SLCO2A1: variants seen among roughly 807,000 people sequenced by gnomAD.
SLCO2A1 encodes the protein solute carrier organic anion transporter family member 2A1.
SLCO2A1 carries 60 observed loss-of-function variants against 71.7 expected under a neutral mutation model. The ratio of observed to expected loss-of-function variants is 0.84; its 90% confidence interval spans 0.68 to 1.04. SLCO2A1 has a LOEUF of 1.04. Ranked by LOEUF, SLCO2A1 falls within the 50% of genes least tolerant of loss-of-function variation. SLCO2A1 has a pLI of 0.00. For synonymous variants in SLCO2A1, 308 were observed against 326.7 expected, an observed-to-expected ratio of 0.94 and a Z score of 0.62; for missense variants, 745 against 813.4, an observed-to-expected ratio of 0.92 and a Z score of 1.02.
chr3:134,007,876 T>C lies in SLCO2A1; in HGVS notation c.96+21831A>G, dbSNP rs547858361. On this transcript the variant is annotated intron_variant, in intron 1 of 13. Transcript: ENST00000310926. ...ATTGTTCCTGTGTTCAATTCATTCT[T>C]CATTTCTTTCACCTAAAGATTTCAC... Among the ~76,000 whole-genome samples, 33 of 152,364 alleles carry C rather than the reference T, an allele frequency of 2.2e-4. No homozygotes were observed. The South Asian group carries it at 4.3e-3, about 20-fold the overall frequency.
At chr3:134,028,139 A>G (rs1460930140) in intron 1 of SLCO2A1, among the ~76,000 whole-genome samples, 2 of 152,164 alleles carry the variant, frequency 1.3e-5, no homozygotes, top group African/African-American at 4.8e-5. Flanking sequence ...GTCTAAACGG[A>G]TCAGTCTCAT....
In SLCO2A1 at chr3:133,955,217, C is replaced by A. The variant is rs745350876; in HGVS notation, c.398-24G>T. On this transcript the variant is annotated intron_variant, in intron 3 of 13. Transcript: ENST00000310926. ...CCCTGCAACGAGAGTGCTTGCTGGTCTCCACCACCCTGGTCTCCTGGTTCC... is the reference window on the plus strand; with the variant it reads ...CCCTGCAACGAGAGTGCTTGCTGGTATCCACCACCCTGGTCTCCTGGTTCC... 1.0e-5 allele frequency: 16 copies of A among 1,590,542 alleles called. No homozygotes were observed. In the South Asian group the frequency reaches 1.8e-4, roughly 18 times the overall value.
intron 1 of SLCO2A1, among the ~76,000 whole-genome samples, chr3:134,000,694 A>G (rs1252914040): frequency 6.6e-6 from 1 of 152,210 alleles, no homozygotes; most frequent in African/African-American, 2.4e-5. Context: ...CATGGAATCA[A>G]TCCAAGACCA....
At chr3:133,935,703 T>C in intron 13 of SLCO2A1, 71 bp downstream of exon 13, 1 of 1,431,774 alleles carries the variant, frequency 7.0e-7, no homozygotes, top group Non-Finnish European at 9.3e-7. Context: ...CAGTAGCCAC[T>C]GGGCATATGA....
At chr3:133,980,761 C>T (rs1369441801) in intron 1 of SLCO2A1, among the ~76,000 whole-genome samples, 38 of 152,254 alleles carry the variant, frequency 2.5e-4, no homozygotes, top group Admixed American at 2.4e-3. Flanking sequence ...CAGGGCAGAA[C>T]CTTTGCGAGG....
At chr3:134,002,538 G>A (rs145813300) in intron 1 of SLCO2A1, among the ~76,000 whole-genome samples, 23 of 152,298 alleles carry the variant, frequency 1.5e-4, no homozygotes, top group East Asian at 5.8e-4. Context: ...TATCACAGCC[G>A]CCTCAGTGAG....
chr3:133,965,044 T>C (rs1291968789), intron 3 of SLCO2A1, among the ~76,000 whole-genome samples: 1 of 152,142 alleles, frequency 6.6e-6, no homozygotes, highest in East Asian at 1.9e-4. Context: ...GCTTAATTAG[T>C]ACTCCCCCAC....
intron 1 of SLCO2A1, among the ~76,000 whole-genome samples, chr3:134,010,524 T>C (rs1228695701): frequency 6.6e-6 from 1 of 151,728 alleles, no homozygotes; most frequent in African/African-American, 2.4e-5. Context: ...GAGGCCAAGG[T>C]GGGCGGATCA....
chr3:133,960,622 GGAT>G, intron 3 of SLCO2A1, among the ~76,000 whole-genome samples: 1 of 152,160 alleles, frequency 6.6e-6, no homozygotes, highest in Non-Finnish European at 1.5e-5. Flanking sequence ...TTCCAGGTGT[GGAT>G]GATGATGATG....
chr3:133,958,988 T>C (rs1933966350), intron 3 of SLCO2A1, among the ~76,000 whole-genome samples: 1 of 152,180 alleles, frequency 6.6e-6, no homozygotes, highest in African/African-American at 2.4e-5. Flanking sequence ...GGAGCACGGT[T>C]TAAAGCAAAT....
Position 133,934,656 on chromosome 3 carries a change from C to G in SLCO2A1, c.*57G>C. 7 of 1,158,392 alleles carry G rather than the reference C, an allele frequency of 6.0e-6. No individual in the cohort carries two copies. In the South Asian group the frequency reaches 8.7e-5, roughly 14 times the overall value. 71.8% of individuals were successfully genotyped at this position (1,158,392 alleles called of 1,614,324 possible). On this transcript the variant is annotated 3_prime_UTR_variant, in exon 14 of 14. Transcript: ENST00000310926. ...ACGTGTTAACATTAGTGAGTATAGG[C>G]AGGTGTGGAAGAGTCAAGGTCCACT...
At chr3:134,005,642 C>T (rs548190988) in intron 1 of SLCO2A1, among the ~76,000 whole-genome samples, 7 of 151,940 alleles carry the variant, frequency 4.6e-5, no homozygotes, top group East Asian at 1.9e-4. Flanking sequence ...CCACCACGCC[C>T]GGCTAATTTT....
rs1366454450 is a variant in SLCO2A1 at position 133,933,270 on chromosome 3, G to A, written c.*1443C>T. The A allele has an allele frequency of 6.6e-6, 1 of 152,240 alleles. No homozygotes were observed. The highest frequency in any genetic ancestry group is 1.5e-5 in the Non-Finnish European group (1 of 68,132). 9.4% of individuals were successfully genotyped at this position (152,240 alleles called of 1,614,324 possible). The stretch of plus-strand genomic sequence containing the variant: ...TGGATGGCATGGATAGTCAGGTCAG[G>A]ATCCTTCATGCCAATCTGTGGCTTC... On this transcript the variant is annotated 3_prime_UTR_variant, in exon 14 of 14. Coordinates refer to ENST00000310926, the MANE Select transcript of SLCO2A1 (RefSeq NM_005630.3).
chr3:134,020,193 G>A (rs144934399), intron 1 of SLCO2A1, among the ~76,000 whole-genome samples: 1,647 of 152,160 alleles, frequency 0.011, 32 homozygotes, highest in African/African-American at 0.036. Flanking sequence ...TTAGAGTTGT[G>A]AGCCCTTAAA....
chr3:134,027,214 T>G (rs1156685019), intron 1 of SLCO2A1, among the ~76,000 whole-genome samples: 1 of 152,178 alleles, frequency 6.6e-6, no homozygotes, highest in Non-Finnish European at 1.5e-5. Context: ...TATTGTCTTA[T>G]GCCCAATTTC....
intron 1 of SLCO2A1, among the ~76,000 whole-genome samples, chr3:134,003,768 C>T (rs1422182107): frequency 1.3e-5 from 2 of 152,148 alleles, no homozygotes; most frequent in Admixed American, 1.3e-4. Flanking sequence ...ATTCAAATAC[C>T]AATCTGGGTG....
At chr3:133,970,714 T>A (rs987542678) in intron 3 of SLCO2A1, among the ~76,000 whole-genome samples, 3 of 152,170 alleles carry the variant, frequency 2.0e-5, no homozygotes, top group Non-Finnish European at 2.9e-5. Context: ...TCTGCTTCTA[T>A]CCCAGCCAGA....
At chr3:133,956,069 AG>A (rs2108046377) in intron 3 of SLCO2A1, among the ~76,000 whole-genome samples, 1 of 152,218 alleles carries the variant, frequency 6.6e-6, no homozygotes, top group East Asian at 1.9e-4. Context: ...CCAAGGCCTT[AG>A]GGGTTCTCGA....
At chr3:134,003,121 A>C (rs1387598304) in intron 1 of SLCO2A1, among the ~76,000 whole-genome samples, 1 of 151,918 alleles carries the variant, frequency 6.6e-6, no homozygotes, top group Non-Finnish European at 1.5e-5. Flanking sequence ...ATGTGGTTTC[A>C]TCATCTACAC....
Sources: allele counts gnomAD v4.1 joint callset (sites outside exome capture counted in the v4.1 genomes callset), GRCh38; gene constraint gnomAD v4.1.1; transcripts MANE v1.5; gene names NCBI Gene and HGNC (gene_info 2026-07-23, HGNC 2026-07-21).